GRK1: variants seen among roughly 807,000 people sequenced by gnomAD.
GRK1 encodes rhodopsin kinase GRK1.
In GRK1, 28 loss-of-function variants were observed where a neutral mutation model predicts 41.7. The observed-to-expected ratio is 0.67, with a 90% CI of 0.50 to 0.92. The LOEUF (loss-of-function observed/expected upper bound fraction) is 0.92. Among genes scored for constraint, GRK1 ranks in the 40% least tolerant of loss-of-function variants. The probability of loss-of-function intolerance (pLI) is 0.00; values close to 1 mark genes in which losing one functional copy is unlikely to be tolerated. For synonymous variants in GRK1, 327 were observed against 286.7 expected (o/e 1.14, Z -1.42); for missense variants, 703 against 671.2 (o/e 1.05, Z -0.52).
In GRK1 at chr13:113,732,775, C is replaced by T. The variant is rs1218863214; in HGVS notation, c.1195-109C>T. ...GGGAGGGGCACAAGGCCTCATGGGT[C>T]CCCCACCCGCGTGGGTGAGCGGTGG... On this transcript the variant is annotated intron_variant, in intron 5 of 6. Coordinates refer to ENST00000335678, the MANE Select transcript of GRK1 (RefSeq NM_002929.3). The T allele has an allele frequency of 7.6e-6, 9 of 1,189,978 alleles. No homozygotes were observed. In the Admixed American group the frequency reaches 1.1e-4, roughly 14 times the overall value. The allele number at this position is 1,189,978 out of a possible 1,614,324, so 73.7% of individuals were successfully genotyped here.
chr13:113,727,139 G>C (rs1253291291), intron 4 of GRK1, among the ~76,000 whole-genome samples: 1 of 152,258 alleles, frequency 6.6e-6, no homozygotes, highest in East Asian at 1.9e-4. Context: ...CAGGCCCCAT[G>C]TGCCACACAG....
Position 113,731,991 on chromosome 13 carries a change from C to G in GRK1, c.1194+648C>G, listed in dbSNP as rs147274943. 5.7e-3 allele frequency among the ~76,000 whole-genome samples: 870 copies of G among 152,338 alleles called. 9 individuals carry two copies. Among genetic ancestry groups the G allele is most frequent in the African/African-American group, 0.02 (837 of 41,580 alleles). The stretch of plus-strand genomic sequence containing the variant: ...TCTCCCCTGAGTGCCCCCTGGGCTG[C>G]CCCGGATCCTAGGCCACCAGAACTG... On this transcript the variant is annotated intron_variant, in intron 5 of 6. Coordinates refer to ENST00000335678, the MANE Select transcript of GRK1 (RefSeq NM_002929.3). This position sits in a 1 kb window ranked among gnomAD's most constrained non-coding sequence, Gnocchi z 5.6.
At position 113,667,332 on chromosome 13, in the gene GRK1, C is replaced by T. The variant is rs1323599403; in HGVS notation, c.-55C>T. 2.0e-5 allele frequency: 30 copies of T among 1,467,638 alleles called. No homozygotes were observed. Among genetic ancestry groups the T allele is most frequent in the Admixed American group, 7.1e-5 (3 of 42,052 alleles). 90.9% of individuals were successfully genotyped at this position (1,467,638 alleles called of 1,614,324 possible). On this transcript the variant is annotated 5_prime_UTR_variant, in exon 1 of 7. Transcript: ENST00000335678. The surrounding 1 kb of genome is among the most constrained non-coding windows in gnomAD (Gnocchi z 7.5). ...GGCCTGCTCTGTCTGTGAACGCTCCCGGCTTGGCCTCGGCTGATGGGCCCT... is the reference window on the plus strand; with the variant it reads ...GGCCTGCTCTGTCTGTGAACGCTCCTGGCTTGGCCTCGGCTGATGGGCCCT...
the GRK1 span, among the ~76,000 whole-genome samples, chr13:113,655,827 A>G: frequency 4.6e-5 from 7 of 152,332 alleles, no homozygotes; most frequent in South Asian, 2.1e-4. Context: ...CCAAAACACA[A>G]CCAAAGGGCA....
At chr13:113,661,941 GA>G in the GRK1 span, among the ~76,000 whole-genome samples, 1 of 152,144 alleles carries the variant, frequency 6.6e-6, no homozygotes, top group Non-Finnish European at 1.5e-5. Context: ...TTGGAAAATA[GA>G]AGAAGAGGAA....
the GRK1 span, among the ~76,000 whole-genome samples, chr13:113,650,204 AT>A: frequency 1.3e-5 from 2 of 151,548 alleles, no homozygotes; most frequent in Non-Finnish European, 1.5e-5. The surrounding 1 kb of genome is among the most constrained non-coding windows in gnomAD (Gnocchi z 5.0). Flanking sequence ...TTAGAGTTGT[AT>A]TTTCATGTTG....
chr13:113,726,992 C>G (rs1260765842), intron 4 of GRK1, among the ~76,000 whole-genome samples: 2 of 152,248 alleles, frequency 1.3e-5, no homozygotes, highest in Non-Finnish European at 2.9e-5. Context: ...CCAGCCCCAG[C>G]AGCCCCCATG....
At chr13:113,663,590 T>G (rs2049801538), upstream of GRK1, among the ~76,000 whole-genome samples, 1 of 152,192 alleles carries the variant, frequency 6.6e-6, no homozygotes, top group African/African-American at 2.4e-5. Context: ...CTGATATTGA[T>G]AGAATCTCAA....
upstream of GRK1, among the ~76,000 whole-genome samples, chr13:113,663,024 CA>C (rs150914796): frequency 8.8e-3 from 1,338 of 152,216 alleles, 18 homozygotes; most frequent in African/African-American, 0.028. Flanking sequence ...GTTTTTTAAA[CA>C]TTTTTTGAAA....
chr13:113,666,155 C>T (rs2049817177), upstream of GRK1, among the ~76,000 whole-genome samples: 1 of 133,514 alleles, frequency 7.5e-6, no homozygotes, highest in Admixed American at 7.2e-5. Context: ...CAGGTGGGTC[C>T]CAAGTGTTCC....
chr13:113,733,672 C>CTGTGTGT, intron 6 of GRK1, among the ~76,000 whole-genome samples: 1 of 89,210 alleles, frequency 1.1e-5, no homozygotes, highest in African/African-American at 3.9e-5. Flanking sequence ...CGTGTGTGCA[C>CTGTGTGT]GTGTGTGCAT....
the GRK1 span, among the ~76,000 whole-genome samples, chr13:113,661,789 G>A: frequency 6.6e-6 from 1 of 152,166 alleles, no homozygotes; most frequent in Non-Finnish European, 1.5e-5. Flanking sequence ...ACTTCAAATA[G>A]ATAATGTAAA....
intron 6 of GRK1, among the ~76,000 whole-genome samples, chr13:113,733,882 C>CAT (rs2049972526): frequency 1.5e-5 from 1 of 67,658 alleles, no homozygotes; most frequent in Non-Finnish European, 2.6e-5. Context: ...TGTGTGCATA[C>CAT]GTGTGTGCGT....
chr13:113,666,217 C>T (rs576201547), upstream of GRK1, among the ~76,000 whole-genome samples: 15 of 148,552 alleles, frequency 1.0e-4, no homozygotes, highest in African/African-American at 3.7e-4. Context: ...CCCCGCTGTC[C>T]CAGGTGTGTC....
chr13:113,657,991 G>T, the GRK1 span: 8 of 1,499,540 alleles, frequency 5.3e-6, no homozygotes, highest in Middle Eastern at 2.0e-4. Context: ...TCCTCAGAGC[G>T]GCCCCCTCCA....
chr13:113,664,205 C>G (rs1200900622), upstream of GRK1, among the ~76,000 whole-genome samples: 1 of 152,138 alleles, frequency 6.6e-6, no homozygotes, highest in Non-Finnish European at 1.5e-5. The surrounding 1 kb of genome is among the most constrained non-coding windows in gnomAD (Gnocchi z 5.4). Flanking sequence ...GGTTGCCGGG[C>G]ATTGAGCAGG....
At chr13:113,649,201 G>T in the GRK1 span, 8 of 599,976 alleles carry the variant, frequency 1.3e-5, no homozygotes, top group Non-Finnish European at 2.2e-5. This position sits in a 1 kb window ranked among gnomAD's most constrained non-coding sequence, Gnocchi z 4.7. Flanking sequence ...TGATACTCGC[G>T]AGCAGGTCCT....
chr13:113,723,979 T>C (rs2049874064), intron 4 of GRK1, among the ~76,000 whole-genome samples: 1 of 152,136 alleles, frequency 6.6e-6, no homozygotes, highest in Admixed American at 6.5e-5. Flanking sequence ...TGTGTATGCA[T>C]GCCCGGGTCT....
At chr13:113,734,128 G>A (rs1319989075) in intron 6 of GRK1, among the ~76,000 whole-genome samples, 8 of 152,204 alleles carry the variant, frequency 5.3e-5, no homozygotes, top group Non-Finnish European at 1.0e-4. Flanking sequence ...TACCCTCTAG[G>A]ACCCTGTGGT....
Sources: gnomAD v4.1 joint callset for allele counts (sites outside exome capture counted in the v4.1 genomes callset) on GRCh38, gnomAD v4.1.1 for gene constraint, Gnocchi (gnomAD v3.1) non-coding constraint, MANE v1.5 for transcripts, NCBI Gene and HGNC (gene_info 2026-07-23, HGNC 2026-07-21) for gene names.